Variants in SLC8A1 observed in about 807,000 individuals in gnomAD.
The protein encoded by SLC8A1 is sodium/calcium exchanger 1.
In SLC8A1, 18 loss-of-function variants were observed where a neutral mutation model predicts 68.3. That is an observed-to-expected ratio of 0.26 (90% CI 0.18 to 0.39). The LOEUF is 0.39. Ranked by LOEUF, SLC8A1 falls within the 10% of genes least tolerant of loss-of-function variation. SLC8A1 has a pLI of 1.00. For missense variants in SLC8A1, 985 were observed against 1,156.7 expected (o/e 0.85, Z 2.15); for synonymous variants, 475 against 415.5 (o/e 1.14, Z -1.74).
At chr2:40,100,684 TGA>T (rs1220480095) in exon 8 of SLC8A1, 1 of 151,758 alleles carries the variant, frequency 6.6e-6, no homozygotes, top group Non-Finnish European at 1.5e-5. Context: ...CAGGTGTGAG[TGA>T]GAGGAATGGG....
intron 2 of SLC8A1, among the ~76,000 whole-genome samples, chr2:40,236,600 A>C (rs1574486576): frequency 6.6e-6 from 1 of 150,442 alleles, no homozygotes; most frequent in Admixed American, 6.6e-5. Flanking sequence ...GTCCATTTAC[A>C]TTTAAAGTTA....
chr2:40,261,636 G>C (rs1322821802), intron 2 of SLC8A1, among the ~76,000 whole-genome samples: 1 of 152,172 alleles, frequency 6.6e-6, no homozygotes, highest in Non-Finnish European at 1.5e-5. Flanking sequence ...ATTCAGTGGA[G>C]AAAGAGCCCA....
At chr2:40,364,637 C>G (rs1222663714) in intron 2 of SLC8A1, among the ~76,000 whole-genome samples, 1 of 151,832 alleles carries the variant, frequency 6.6e-6, no homozygotes, top group Non-Finnish European at 1.5e-5. Context: ...AGATGAGAAA[C>G]GTACCAGCTG....
intron 2 of SLC8A1, among the ~76,000 whole-genome samples, chr2:40,338,423 G>A (rs1209754279): frequency 2.0e-5 from 3 of 152,042 alleles, no homozygotes; most frequent in Non-Finnish European, 2.9e-5. Context: ...TGGGTAATAG[G>A]GAATGAATAC....
At chr2:40,148,149 ACT>A (rs2042797675) in intron 6 of SLC8A1, among the ~76,000 whole-genome samples, 1 of 152,068 alleles carries the variant, frequency 6.6e-6, no homozygotes, top group Non-Finnish European at 1.5e-5. Flanking sequence ...CCTTAAATTA[ACT>A]CTCTGGATAT....
rs150830738 is a variant in SLC8A1, at chr2:40,376,367, C to T, written c.1808+52106G>A. Among the ~76,000 whole-genome samples, 499 of 152,140 alleles carry T rather than the reference C, an allele frequency of 3.3e-3. 2 individuals carry two copies. The highest frequency in any genetic ancestry group is 0.011 in the South Asian group (55 of 4,826). On this transcript the variant is annotated intron_variant, in intron 2 of 7. Coordinates refer to ENST00000406785, the Ensembl canonical transcript of SLC8A1. ...AGATAGACAGTAGCTATGGTTTGTT[C>T]GCCTACAATTTCACTATCAAACGTT...
At chr2:40,488,107 T>G (rs1300288171) in intron 1 of SLC8A1, among the ~76,000 whole-genome samples, 1 of 151,680 alleles carries the variant, frequency 6.6e-6, no homozygotes, top group Admixed American at 6.6e-5. Flanking sequence ...CAAGAGCTAC[T>G]AAAAGGTGGA....
At chr2:40,260,828 G>A (rs2064604024) in intron 2 of SLC8A1, among the ~76,000 whole-genome samples, 1 of 151,992 alleles carries the variant, frequency 6.6e-6, no homozygotes. Flanking sequence ...AAGAAAGTGA[G>A]GCATGCAATT....
chr2:40,327,956 T>C (rs1488664547), intron 2 of SLC8A1, among the ~76,000 whole-genome samples: 1 of 126,710 alleles, frequency 7.9e-6, no homozygotes, highest in East Asian at 2.6e-4. Context: ...GAAATAAAAC[T>C]GAAAAAAAAA....
chr2:40,362,313 T>C (rs1674865774), intron 2 of SLC8A1, among the ~76,000 whole-genome samples: 1 of 152,002 alleles, frequency 6.6e-6, no homozygotes, highest in African/African-American at 2.4e-5. Context: ...ATAGATAGAT[T>C]CCAGGGACAC....
intron 2 of SLC8A1, among the ~76,000 whole-genome samples, chr2:40,253,327 T>C (rs966355188): frequency 5.3e-5 from 8 of 151,314 alleles, no homozygotes; most frequent in African/African-American, 7.3e-5. Flanking sequence ...CACACACATA[T>C]ATGTGTATAT....
intron 6 of SLC8A1, among the ~76,000 whole-genome samples, chr2:40,145,969 C>G (rs59912380): frequency 2.0e-4 from 6 of 30,642 alleles, no homozygotes; most frequent in Admixed American, 1.6e-3. Context: ...GTTGATCTCT[C>G]TTTTTTTTGT....
At chr2:40,112,323 A>G (rs1165931895) in exon 8 of SLC8A1, 1 of 95,498 alleles carries the variant, frequency 1.0e-5, no homozygotes, top group Non-Finnish European at 2.2e-5. Context: ...GAAGAGCACA[A>G]TTAGTGCATT....
chr2:40,266,127 A>G (rs1349417472), intron 2 of SLC8A1, among the ~76,000 whole-genome samples: 2 of 152,208 alleles, frequency 1.3e-5, no homozygotes, highest in Non-Finnish European at 2.9e-5. Flanking sequence ...TGGTGCACAT[A>G]GCTTACTTCA....
rs893708525 is a variant in SLC8A1 at position 40,213,098 on chromosome 2, C to G, written c.1809-35243G>C. On this transcript the variant is annotated intron_variant, in intron 2 of 7. Transcript: ENST00000406785. ...TAATTTAAAGATGACTAAGTTGTCTCTTCTCTGTAGGTCTCTACTTTGAGT... is the reference window on the plus strand; with the variant it reads ...TAATTTAAAGATGACTAAGTTGTCTGTTCTCTGTAGGTCTCTACTTTGAGT... 3 of 152,206 alleles carry G rather than the reference C, an allele frequency of 2.0e-5. No homozygotes were observed. The East Asian group carries it at 5.8e-4, about 29-fold the overall frequency. The allele number at this position is 152,206 out of a possible 1,614,324, so 9.4% of individuals were successfully genotyped here.
intron 2 of SLC8A1, among the ~76,000 whole-genome samples, chr2:40,261,164 T>G (rs1407380238): frequency 6.6e-6 from 1 of 152,284 alleles, no homozygotes; most frequent in East Asian, 1.9e-4. Flanking sequence ...TCACACCAAC[T>G]GGAAGGCCAG....
chr2:40,414,338 TC>T (rs1693152047), intron 2 of SLC8A1, among the ~76,000 whole-genome samples: 1 of 152,190 alleles, frequency 6.6e-6, no homozygotes, highest in Non-Finnish European at 1.5e-5. Flanking sequence ...ATGAGGTCCC[TC>T]ATGAGACTTA....
At chr2:40,436,750 G>A (rs965473155) in intron 1 of SLC8A1, among the ~76,000 whole-genome samples, 7 of 152,036 alleles carry the variant, frequency 4.6e-5, no homozygotes, top group African/African-American at 1.7e-4. Flanking sequence ...ATATTAATCT[G>A]CATGCTAACA....
intron 2 of SLC8A1, among the ~76,000 whole-genome samples, chr2:40,407,007 G>T (rs1433148521): frequency 1.3e-5 from 2 of 152,062 alleles, no homozygotes; most frequent in African/African-American, 4.8e-5. Flanking sequence ...GGCTTACCAG[G>T]TTCTAGGCCC....
Sources: gnomAD v4.1 joint callset for allele counts (sites outside exome capture counted in the v4.1 genomes callset) on GRCh38, gnomAD v4.1.1 for gene constraint, MANE v1.5 for transcripts, NCBI Gene and HGNC (gene_info 2026-07-23, HGNC 2026-07-21) for gene names.